The following TCF12 variants were observed in gnomAD, a reference collection of about 807,000 sequenced individuals.
TCF12 encodes DNA-binding protein HTF4.
A neutral mutation model predicts 86.0 loss-of-function variants in TCF12; 45 were observed. The observed-to-expected ratio is 0.52, with a 90% CI of 0.41 to 0.67. The LOEUF (loss-of-function observed/expected upper bound fraction) is 0.67. TCF12 is among the 30% of genes least tolerant of loss of function. The probability of loss-of-function intolerance (pLI) is 0.00; values close to 1 mark genes in which losing one functional copy is unlikely to be tolerated. For missense variants in TCF12, 881 were observed against 859.9 expected (o/e 1.02, Z -0.31); for synonymous variants, 330 against 299.6 (o/e 1.10, Z -1.05).
chr15:56,961,825 G>T (rs1170581362), intron 3 of TCF12, among the ~76,000 whole-genome samples: 9 of 152,118 alleles, frequency 5.9e-5, no homozygotes, highest in Admixed American at 5.9e-4. Context: ...GTATATGCTT[G>T]TGTACACTAG....
intron 3 of TCF12, among the ~76,000 whole-genome samples, chr15:57,018,211 G>T (rs1475984958): frequency 6.6e-6 from 1 of 152,170 alleles, no homozygotes; most frequent in Non-Finnish European, 1.5e-5. Context: ...AGCAGTTACA[G>T]GTGAATTTTT....
At chr15:57,231,927 T>C (rs914423060) in intron 9 of TCF12, among the ~76,000 whole-genome samples, 1 of 152,190 alleles carries the variant, frequency 6.6e-6, no homozygotes, top group Non-Finnish European at 1.5e-5. Context: ...TAATGCACAT[T>C]GCGTGTTATG....
chr15:57,010,376 T>A (rs1286943218), intron 3 of TCF12, among the ~76,000 whole-genome samples: 1 of 151,920 alleles, frequency 6.6e-6, no homozygotes, highest in African/African-American at 2.4e-5. Context: ...CCAGAAAAAG[T>A]CCAGAAAACA....
chr15:57,267,592 C>T (rs2060929078), intron 18 of TCF12, among the ~76,000 whole-genome samples: 1 of 152,144 alleles, frequency 6.6e-6, no homozygotes, highest in Admixed American at 6.5e-5. Flanking sequence ...TCTGTCACAG[C>T]TACTTACCAC....
chr15:57,074,832 C>T (rs1199529575), intron 4 of TCF12, among the ~76,000 whole-genome samples: 1 of 152,132 alleles, frequency 6.6e-6, no homozygotes, highest in African/African-American at 2.4e-5. Flanking sequence ...GATTTCAGTT[C>T]CTCAAATCTG....
chr15:57,089,008 G>C (rs899136043), intron 4 of TCF12, among the ~76,000 whole-genome samples: 4 of 152,136 alleles, frequency 2.6e-5, no homozygotes, highest in African/African-American at 9.7e-5. Context: ...CTGTGTGAAA[G>C]GAATGACAGG....
At chr15:57,092,471 G>T (rs1308366702) in intron 5 of TCF12, among the ~76,000 whole-genome samples, 1 of 152,070 alleles carries the variant, frequency 6.6e-6, no homozygotes, top group Non-Finnish European at 1.5e-5. Flanking sequence ...TTATGTTTAG[G>T]CAAAACCTTT....
chr15:57,139,577 A>G (rs570549692), intron 5 of TCF12, among the ~76,000 whole-genome samples: 1 of 152,010 alleles, frequency 6.6e-6, no homozygotes, highest in Non-Finnish European at 1.5e-5. Flanking sequence ...TAACTAAACC[A>G]CCAGGGAGAT....
chr15:57,192,090 G>T (rs2057010914), intron 6 of TCF12, 68 bp from the exon 7 acceptor site: 1 of 1,566,236 alleles, frequency 6.4e-7, no homozygotes, highest in Non-Finnish European at 8.7e-7. Context: ...ATTCAGAAGT[G>T]ATGAAATTTT....
At chr15:57,138,665 A>G (rs1157300528) in intron 5 of TCF12, among the ~76,000 whole-genome samples, 1 of 152,240 alleles carries the variant, frequency 6.6e-6, no homozygotes, top group Non-Finnish European at 1.5e-5. Context: ...TATTCTCAAA[A>G]GAGTTCATTT....
chr15:57,215,448 G>A (rs912552305), intron 8 of TCF12, among the ~76,000 whole-genome samples: 1 of 152,030 alleles, frequency 6.6e-6, no homozygotes, highest in Non-Finnish European at 1.5e-5. Flanking sequence ...GTGTTCATTC[G>A]TGGAGTTATT....
At chr15:57,262,863 G>A (rs755177897) in intron 17 of TCF12, among the ~76,000 whole-genome samples, 2 of 152,188 alleles carry the variant, frequency 1.3e-5, no homozygotes, top group African/African-American at 2.4e-5. Context: ...AATAGTGCCT[G>A]AAAGTGAGCA....
rs532417762 is a variant in TCF12, at chr15:57,227,304, A to G, written c.580-3848A>G. Reference sequence around the variant, plus strand: ...GAATGTTTCCAGTGTTAATTACAGGAAAGATGTATTGAAATCGAGAGCACA... The same window carrying G: ...GAATGTTTCCAGTGTTAATTACAGGGAAGATGTATTGAAATCGAGAGCACA... On this transcript the variant is annotated intron_variant, in intron 8 of 20. Coordinates refer to ENST00000333725, the MANE Select transcript of TCF12 (RefSeq NM_207037.2). 3.9e-5 allele frequency among the ~76,000 whole-genome samples: 6 copies of G among 152,236 alleles called. No individual in the cohort carries two copies. The South Asian group carries it at 1.2e-3, about 32-fold the overall frequency.
chr15:57,262,118 G>T lies in TCF12; in HGVS notation c.1492G>T (p.Val498Phe), dbSNP rs750905044. The change falls in exon 17 of 21, where the codon GTC becomes TTC. Residue 498 changes from valine (V) to phenylalanine (F), a missense_variant. Transcript: ENST00000333725. ...SMVGTHREDS[V>F]SLNGNHSVLS... ...GGTTGGAACTCATCGGGAAGACTCT[G>T]TCAGTCTCAATGGCAATCATTCAGT... The T allele has an allele frequency of 2.5e-6, 4 of 1,613,090 alleles. No homozygotes were observed. The South Asian group carries it at 4.4e-5, about 18-fold the overall frequency.
chr15:56,995,716 G>A (rs999184496), intron 3 of TCF12, among the ~76,000 whole-genome samples: 1 of 151,978 alleles, frequency 6.6e-6, no homozygotes, highest in Non-Finnish European at 1.5e-5. Flanking sequence ...GGTTTTTTAG[G>A]TATAGAATCA....
intron 5 of TCF12, among the ~76,000 whole-genome samples, chr15:57,110,940 T>C (rs1478499246): frequency 6.6e-6 from 1 of 152,158 alleles, no homozygotes; most frequent in East Asian, 1.9e-4. Flanking sequence ...TGGCAGAGTG[T>C]GGTTTCCTGG....
chr15:57,180,847 C>G (rs1317303293), intron 6 of TCF12, among the ~76,000 whole-genome samples: 1 of 111,966 alleles, frequency 8.9e-6, no homozygotes, highest in Admixed American at 1.3e-4. Flanking sequence ...TGGAGTCTCG[C>G]TCTGTCGCCC....
chr15:57,253,344 G>A lies in TCF12; in HGVS notation c.1343G>A (p.Ser448Asn). Residue 448 changes from serine to asparagine, a missense_variant, in exon 16 of 21, where the codon AGT (serine) becomes AAT (asparagine). Physicochemically the swap from Ser to Asn is conservative, Grantham distance 46. Transcript: ENST00000333725. ...LRNHAVGPST[S>N]LPAGHSDIHS... ...AACCATGCTGTGGGACCTTCCACCA[G>A]TTTGCCTGCTGGTCACAGTGATATA... 5.0e-6 allele frequency: 8 copies of A among 1,614,054 alleles called. No individual in the cohort carries two copies. Among genetic ancestry groups the A allele is most frequent in the Non-Finnish European group, 6.8e-6 (8 of 1,179,994 alleles).
At chr15:57,007,094 A>T (rs2064426300) in intron 3 of TCF12, among the ~76,000 whole-genome samples, 1 of 152,230 alleles carries the variant, frequency 6.6e-6, no homozygotes, top group Non-Finnish European at 1.5e-5. Context: ...CTTCTTTCAG[A>T]GTCTATACAT....
Sources: gnomAD v4.1 joint callset for allele counts (sites outside exome capture counted in the v4.1 genomes callset) on GRCh38, gnomAD v4.1.1 for gene constraint, MANE v1.5 for transcripts, NCBI Gene and HGNC (gene_info 2026-07-23, HGNC 2026-07-21) for gene names.